The following ROBO1 variants were observed in gnomAD, a reference collection of about 807,000 sequenced individuals.
ROBO1 encodes the protein roundabout homolog 1.
ROBO1 carries 149 observed loss-of-function variants against 195.9 expected under a neutral mutation model. That is an observed-to-expected ratio of 0.76 (90% CI 0.67 to 0.87). ROBO1 has a LOEUF of 0.87. Among genes scored for constraint, ROBO1 ranks in the 40% least tolerant of loss-of-function variants. ROBO1 has a pLI of 0.00. For synonymous variants in ROBO1, 816 were observed against 733.2 expected (o/e 1.11, Z -1.82); for missense variants, 1,933 against 2,068.3 (o/e 0.93, Z 1.27).
chr3:78,864,926 G>A (rs2035075781), intron 4 of ROBO1, among the ~76,000 whole-genome samples: 1 of 152,018 alleles, frequency 6.6e-6, no homozygotes, highest in Admixed American at 6.6e-5. Context: ...TGAAAAAATG[G>A]CTATAATTTT....
chr3:79,115,981 G>A (rs185002851), intron 3 of ROBO1, among the ~76,000 whole-genome samples: 75 of 152,278 alleles, frequency 4.9e-4, no homozygotes, highest in Non-Finnish European at 8.8e-4. Context: ...AGTAGATTCA[G>A]TTATGGCACC....
At chr3:79,301,310 A>T (rs542801687) in intron 2 of ROBO1, among the ~76,000 whole-genome samples, 31 of 152,288 alleles carry the variant, frequency 2.0e-4, no homozygotes, top group African/African-American at 7.0e-4. Context: ...TTCTTTCTTG[A>T]AGTCAGTGAG....
chr3:79,718,503 T>C (rs1702575776), intron 1 of ROBO1, among the ~76,000 whole-genome samples: 1 of 151,982 alleles, frequency 6.6e-6, no homozygotes, highest in African/African-American at 2.4e-5. Flanking sequence ...GATGTTTCCA[T>C]TCTTTGATTT....
intron 8 of ROBO1, among the ~76,000 whole-genome samples, chr3:78,704,834 C>T (rs1677447365): frequency 6.6e-6 from 1 of 151,910 alleles, no homozygotes; most frequent in Admixed American, 6.6e-5. Context: ...ATAATGAGAC[C>T]CTGTCTCAAA....
intron 2 of ROBO1, among the ~76,000 whole-genome samples, chr3:79,442,110 A>C (rs922192865): frequency 2.0e-5 from 3 of 152,156 alleles, no homozygotes; most frequent in East Asian, 3.9e-4. Context: ...CAAATAAATA[A>C]ATAATAAAAT....
chr3:79,291,139 C>A (rs1240888394), intron 2 of ROBO1, among the ~76,000 whole-genome samples: 1 of 152,148 alleles, frequency 6.6e-6, no homozygotes, highest in Non-Finnish European at 1.5e-5. Context: ...TCCATTGAGA[C>A]CCTGACTGCT....
At chr3:79,527,090 C>A (rs1380921881) in intron 2 of ROBO1, among the ~76,000 whole-genome samples, 1 of 152,040 alleles carries the variant, frequency 6.6e-6, no homozygotes, top group Non-Finnish European at 1.5e-5. Flanking sequence ...GAATATATTT[C>A]CAAACCAATG....
intron 2 of ROBO1, among the ~76,000 whole-genome samples, chr3:79,138,293 C>CT (rs1267962578): frequency 6.6e-6 from 1 of 151,930 alleles, no homozygotes; most frequent in African/African-American, 2.4e-5. Flanking sequence ...ACAATCAATA[C>CT]TTTTTTTGTT....
intron 2 of ROBO1, among the ~76,000 whole-genome samples, chr3:79,203,090 TTTGGATAAAATATCCTGTGACAGA>T (rs2081799156): frequency 6.6e-6 from 1 of 152,108 alleles, no homozygotes; most frequent in South Asian, 2.1e-4. Flanking sequence ...ACACTGAAAA[TTTGGATAAAATATCCTGTGACAGA>T]CTGGAATATT....
intron 2 of ROBO1, among the ~76,000 whole-genome samples, chr3:79,487,723 T>G (rs1486645169): frequency 6.6e-6 from 1 of 152,080 alleles, no homozygotes; most frequent in Non-Finnish European, 1.5e-5. Flanking sequence ...CTGAAGCTTT[T>G]CTAAGCCCAT....
At chr3:78,950,856 T>G (rs2040739401) in intron 3 of ROBO1, among the ~76,000 whole-genome samples, 2 of 151,992 alleles carry the variant, frequency 1.3e-5, no homozygotes, top group Non-Finnish European at 2.9e-5. Context: ...CTGTGCCATC[T>G]TCTCCAAATA....
At chr3:78,598,959 A>AAT (rs757627799) in intron 30 of ROBO1, 32 bp from the exon 31 acceptor site, 1 of 1,438,130 alleles carries the variant, frequency 7.0e-7, no homozygotes, top group Non-Finnish European at 9.6e-7. Flanking sequence ...CACATTTGAA[A>AAT]ATAAATCTTA....
chr3:79,577,322 T>C (rs578258337), intron 2 of ROBO1, among the ~76,000 whole-genome samples: 172 of 152,252 alleles, frequency 1.1e-3, no homozygotes, highest in African/African-American at 4.1e-3. Context: ...ATGTAAACTA[T>C]ATTATGTAAA....
chr3:79,083,427 T>C (rs2079311863), intron 3 of ROBO1, among the ~76,000 whole-genome samples: 1 of 152,230 alleles, frequency 6.6e-6, no homozygotes, highest in Non-Finnish European at 1.5e-5. Flanking sequence ...TCTATCTATC[T>C]GATGGTAAAA....
chr3:78,968,765 C>T (rs1452766636), intron 3 of ROBO1, among the ~76,000 whole-genome samples: 2 of 152,156 alleles, frequency 1.3e-5, no homozygotes, highest in Non-Finnish European at 2.9e-5. Flanking sequence ...AGGTGCAATG[C>T]ATCCTTCTTG....
intron 4 of ROBO1, among the ~76,000 whole-genome samples, chr3:78,781,297 C>T (rs1324073754): frequency 6.6e-6 from 1 of 152,136 alleles, no homozygotes; most frequent in Non-Finnish European, 1.5e-5. Context: ...CTCTCCGACT[C>T]CAATTTCACA....
In ROBO1 at chr3:79,194,396, T is replaced by G. The variant is rs558998724; in HGVS notation, c.89-68857A>C. ...TTTTTATTGGTGGTGAAAGTTACATTGTGATTAGGTCACAATAGCATAGGT... is the reference window on the plus strand; with the variant it reads ...TTTTTATTGGTGGTGAAAGTTACATGGTGATTAGGTCACAATAGCATAGGT... On this transcript the variant is annotated intron_variant, in intron 2 of 30. Coordinates refer to ENST00000464233, the MANE Select transcript of ROBO1 (RefSeq NM_002941.4). Among the ~76,000 whole-genome samples, 58 of 151,766 alleles carry G rather than the reference T, an allele frequency of 3.8e-4. 1 individual carries two copies. The highest frequency in any genetic ancestry group is 1.3e-3 in the African/African-American group (56 of 41,492).
At chr3:79,410,418 A>G (rs923884800) in intron 2 of ROBO1, among the ~76,000 whole-genome samples, 2 of 152,116 alleles carry the variant, frequency 1.3e-5, no homozygotes, top group South Asian at 4.1e-4. Flanking sequence ...TTTATGGTAA[A>G]AATAAAAACA....
At chr3:79,700,137 G>A (rs1227364028) in intron 1 of ROBO1, among the ~76,000 whole-genome samples, 2 of 151,722 alleles carry the variant, frequency 1.3e-5, no homozygotes, top group Admixed American at 1.3e-4. Flanking sequence ...GCCTCCAGCT[G>A]CATCCATGTT....
Sources: allele counts gnomAD v4.1 joint callset (sites outside exome capture counted in the v4.1 genomes callset), GRCh38; gene constraint gnomAD v4.1.1; transcripts MANE v1.5; gene names NCBI Gene and HGNC (gene_info 2026-07-23, HGNC 2026-07-21).